Variants in BABAM2 observed in about 807,000 individuals in gnomAD.
The protein encoded by BABAM2 is BRISC and BRCA1-A complex member 2.
BABAM2 carries 31 observed loss-of-function variants against 54.7 expected under a neutral mutation model. That is an observed-to-expected ratio of 0.57 (90% confidence interval 0.43 to 0.77). BABAM2 has a LOEUF of 0.77. Among genes scored for constraint, BABAM2 ranks in the 30% least tolerant of loss-of-function variants. The probability of loss-of-function intolerance (pLI) is 0.00; values close to 1 mark genes in which losing one functional copy is unlikely to be tolerated. For missense variants in BABAM2, 364 were observed against 455.8 expected, an observed-to-expected ratio of 0.80 and a Z score of 1.83; for synonymous variants, 167 against 162.9, an observed-to-expected ratio of 1.03 and a Z score of -0.19.
intron 7 of BABAM2, among the ~76,000 whole-genome samples, chr2:28,229,677 C>G (rs1314259704): frequency 2.0e-5 from 3 of 151,874 alleles, no homozygotes; most frequent in Admixed American, 1.3e-4. Flanking sequence ...CTCTGCCTCC[C>G]AGGTTCAAGT....
At chr2:28,227,734 C>T (rs116362143) in intron 7 of BABAM2, among the ~76,000 whole-genome samples, 1,867 of 152,244 alleles carry the variant, frequency 0.012, 28 homozygotes, top group African/African-American at 0.043. Flanking sequence ...CAGCCCTGGC[C>T]GTGCATCATT....
At chr2:28,094,509 A>G (rs1398839697) in intron 6 of BABAM2, among the ~76,000 whole-genome samples, 1 of 152,312 alleles carries the variant, frequency 6.6e-6, no homozygotes, top group East Asian at 1.9e-4. Context: ...GAATATTTGT[A>G]TTATTACAAG....
chr2:28,258,485 T>C (rs148779398), intron 10 of BABAM2, among the ~76,000 whole-genome samples: 1 of 152,330 alleles, frequency 6.6e-6, no homozygotes, highest in African/African-American at 2.4e-5. Flanking sequence ...TATATAATAG[T>C]ACCTTATTGT....
At chr2:27,972,533 A>G (rs1486047952) in intron 3 of BABAM2, among the ~76,000 whole-genome samples, 5 of 152,162 alleles carry the variant, frequency 3.3e-5, no homozygotes, top group South Asian at 4.2e-4. Context: ...GTGCTGTCCA[A>G]TATAGTCGCT....
intron 7 of BABAM2, among the ~76,000 whole-genome samples, chr2:28,168,951 T>C (rs888101733): frequency 3.3e-5 from 5 of 152,294 alleles, no homozygotes; most frequent in African/African-American, 1.2e-4. Flanking sequence ...TATTCCCTCA[T>C]TGGCCACCTG....
chr2:27,983,275 G>C (rs1051862597), intron 3 of BABAM2, among the ~76,000 whole-genome samples: 1 of 151,842 alleles, frequency 6.6e-6, no homozygotes, highest in East Asian at 1.9e-4. Context: ...AAAATCAGTA[G>C]GCCATAAATT....
chr2:28,026,832 A>T (rs1433913613), intron 5 of BABAM2, among the ~76,000 whole-genome samples: 1 of 51,030 alleles, frequency 2.0e-5, no homozygotes, highest in Non-Finnish European at 3.8e-5. Context: ...TTATATATAT[A>T]AATATATATA....
intron 7 of BABAM2, among the ~76,000 whole-genome samples, chr2:28,148,448 G>T (rs1031861645): frequency 2.6e-5 from 4 of 152,212 alleles, no homozygotes; most frequent in Non-Finnish European, 4.4e-5. Context: ...GTACATAGTT[G>T]GGTTACCAAG....
intron 1 of BABAM2, chr2:27,892,544 G>A (rs1306801489): frequency 6.6e-6 from 1 of 152,088 alleles, no homozygotes; most frequent in Admixed American, 6.6e-5. Flanking sequence ...TAGACATGAA[G>A]GTGGAAATGT....
chr2:28,211,685 G>A (rs987034125), intron 7 of BABAM2, among the ~76,000 whole-genome samples: 18 of 151,862 alleles, frequency 1.2e-4, no homozygotes, highest in African/African-American at 2.2e-4. Flanking sequence ...CATTGTGCCC[G>A]GACTCTGCCT....
intron 7 of BABAM2, among the ~76,000 whole-genome samples, chr2:28,209,468 G>A (rs371477182): frequency 1.8e-4 from 28 of 152,298 alleles, no homozygotes; most frequent in African/African-American, 6.7e-4. Context: ...TGAGGAAAAA[G>A]GGTTACCTTG....
intron 7 of BABAM2, among the ~76,000 whole-genome samples, chr2:28,224,913 A>G (rs1389323829): frequency 1.3e-5 from 2 of 151,190 alleles, no homozygotes; most frequent in Non-Finnish European, 2.9e-5. Flanking sequence ...TTGTGGTTGC[A>G]TTCCTTTATT....
chr2:28,245,326 A>G (rs1446799368), intron 10 of BABAM2, among the ~76,000 whole-genome samples: 1 of 152,234 alleles, frequency 6.6e-6, no homozygotes, highest in Admixed American at 6.5e-5. Flanking sequence ...TATTGGAAAC[A>G]TACCTGCTGT....
chr2:28,078,055 A>G (rs925295676), intron 6 of BABAM2, among the ~76,000 whole-genome samples: 2 of 152,052 alleles, frequency 1.3e-5, no homozygotes, highest in African/African-American at 4.8e-5. Context: ...TAATTTATAC[A>G]TTTTAAAGTT....
chr2:28,134,586 G>GGTGGCATCTTTCACAA (rs1268394103), intron 7 of BABAM2: 2 of 152,256 alleles, frequency 1.3e-5, no homozygotes, highest in South Asian at 4.1e-4. Flanking sequence ...AGGCAGACCA[G>GGTGGCATCTTTCACAA]GTGGCATCTT....
At chr2:28,334,878 G>A (rs570099447) in intron 11 of BABAM2, among the ~76,000 whole-genome samples, 1 of 152,148 alleles carries the variant, frequency 6.6e-6, no homozygotes, top group Admixed American at 6.5e-5. Flanking sequence ...TAGGTCTGGA[G>A]CTCTGTCACA....
intron 7 of BABAM2, among the ~76,000 whole-genome samples, chr2:28,131,889 AT>A (rs1251938037): frequency 3.3e-5 from 5 of 152,196 alleles, no homozygotes; most frequent in African/African-American, 7.2e-5. Context: ...GATGTGGGCA[AT>A]ATGAATATAT....
intron 11 of BABAM2, among the ~76,000 whole-genome samples, chr2:28,311,643 C>T (rs1055809729): frequency 1.3e-5 from 2 of 152,194 alleles, no homozygotes; most frequent in African/African-American, 4.8e-5. Context: ...GGAAAAGACA[C>T]GTCACCTTTC....
intron 6 of BABAM2, among the ~76,000 whole-genome samples, chr2:28,085,610 T>C (rs1489987127): frequency 2.0e-5 from 3 of 152,226 alleles, no homozygotes; most frequent in Non-Finnish European, 2.9e-5. Flanking sequence ...ACTTGACTTA[T>C]AGACTAATGA....
Sources: allele counts gnomAD v4.1 joint callset (sites outside exome capture counted in the v4.1 genomes callset), GRCh38; gene constraint gnomAD v4.1.1; transcripts MANE v1.5; gene names NCBI Gene and HGNC (gene_info 2026-07-23, HGNC 2026-07-21).